AXDND1: variants seen among roughly 807,000 people sequenced by gnomAD.
AXDND1 encodes axonemal dynein light chain domain containing 1.
Under a neutral mutation model 137.5 loss-of-function variants are expected in AXDND1, and 110 were observed. The ratio of observed to expected loss-of-function variants is 0.80; its 90% CI spans 0.69 to 0.94. AXDND1 has a LOEUF of 0.94. AXDND1 is among the 40% of genes least tolerant of loss of function. The pLI is 0.00. For missense variants in AXDND1, 1,191 were observed against 1,169.8 expected (o/e 1.02, Z -0.26); for synonymous variants, 414 against 399.7 (o/e 1.04, Z -0.43).
chr1:179,409,674 G>A (rs955800207), intron 11 of AXDND1, among the ~76,000 whole-genome samples: 1 of 152,110 alleles, frequency 6.6e-6, no homozygotes, highest in Admixed American at 6.6e-5. Flanking sequence ...TTGAGGTCAG[G>A]AGTTTGAGAC....
chr1:179,438,199 A>C (rs905299396), intron 15 of AXDND1, among the ~76,000 whole-genome samples: 2 of 150,848 alleles, frequency 1.3e-5, no homozygotes, highest in African/African-American at 2.5e-5. Context: ...AATAAAACAA[A>C]GGTGATGTTG....
intron 16 of AXDND1, chr1:179,457,318 ACT>A (rs1661557932): frequency 4.9e-6 from 3 of 606,622 alleles, no homozygotes; most frequent in Non-Finnish European, 8.8e-6. Context: ...TCTTTAGGAG[ACT>A]CTGAGTTAGA....
At chr1:179,473,267 G>C (rs1006761043) in intron 17 of AXDND1, among the ~76,000 whole-genome samples, 6 of 151,908 alleles carry the variant, frequency 3.9e-5, no homozygotes, top group Admixed American at 3.9e-4. Context: ...AGGCCAAGAT[G>C]GGGGTGGATC....
At chr1:179,377,319 A>G (rs1433492874) in intron 4 of AXDND1, among the ~76,000 whole-genome samples, 2 of 152,166 alleles carry the variant, frequency 1.3e-5, no homozygotes, top group Non-Finnish European at 2.9e-5. Context: ...TTTTTTCACT[A>G]TTAGTGTTCT....
intron 16 of AXDND1, among the ~76,000 whole-genome samples, chr1:179,465,804 C>G (rs1346296150): frequency 6.6e-6 from 1 of 152,216 alleles, no homozygotes; most frequent in Non-Finnish European, 1.5e-5. Flanking sequence ...TGTTTACCTA[C>G]TCAAGCCTTA....
intron 23 of AXDND1, among the ~76,000 whole-genome samples, 200 bp downstream of exon 23, chr1:179,528,631 CT>C (rs1670764593): frequency 7.2e-6 from 1 of 138,324 alleles, no homozygotes; most frequent in Non-Finnish European, 1.5e-5. Flanking sequence ...TCATTCTCAT[CT>C]TTAAACCTCT....
intron 9 of AXDND1, among the ~76,000 whole-genome samples, chr1:179,390,306 G>C (rs1649948107): frequency 6.6e-6 from 1 of 152,066 alleles, no homozygotes; most frequent in Non-Finnish European, 1.5e-5. Context: ...GAGCCATCAC[G>C]CCTGGCCTAG....
intron 16 of AXDND1, chr1:179,453,510 T>A (rs1270413049): frequency 6.6e-6 from 1 of 152,356 alleles, no homozygotes; most frequent in East Asian, 1.9e-4. Flanking sequence ...CCTTTAAGAT[T>A]TGACTGCTGT....
At chr1:179,376,232 A>G (rs2125065675) in intron 4 of AXDND1, among the ~76,000 whole-genome samples, 1 of 152,264 alleles carries the variant, frequency 6.6e-6, no homozygotes, top group Non-Finnish European at 1.5e-5. Flanking sequence ...ATATTCAGTC[A>G]TCCCTCATAC....
Position 179,468,560 on chromosome 1 carries a change from T to A in AXDND1, c.1916T>A (p.Ile639Asn), listed in dbSNP as rs1571968846. 2 of 1,612,852 alleles carry A rather than the reference T, an allele frequency of 1.2e-6. No homozygotes were observed. Among genetic ancestry groups the A allele is most frequent in the Non-Finnish European group, 1.7e-6 (2 of 1,179,430 alleles). Residue 639 changes from isoleucine to asparagine, a missense_variant, in exon 17 of 26, where the codon ATT becomes AAT. Transcript: ENST00000367618. ...GAATGGCAGGAAATAGATGAAAAAA[T>A]TAATGAAATGAAATCACACTTGGAT... Reference protein sequence around the residue: ...LEEWQEIDEKINEMKSHLDIL... With the variant: ...LEEWQEIDEKNNEMKSHLDIL...
intron 21 of AXDND1, among the ~76,000 whole-genome samples, chr1:179,521,306 C>G (rs1168414322): frequency 1.3e-5 from 2 of 152,140 alleles, no homozygotes; most frequent in Admixed American, 6.6e-5. Context: ...GTATTTCTCT[C>G]TCCTCCTCCT....
chr1:179,488,596 TTC>T (rs1163398473), intron 18 of AXDND1, among the ~76,000 whole-genome samples: 1 of 122,070 alleles, frequency 8.2e-6, no homozygotes, highest in South Asian at 2.8e-4. Flanking sequence ...CTCTCTTTCT[TTC>T]TTTCTTTTTC....
chr1:179,453,869 C>CT (rs1660897769), intron 16 of AXDND1: 1 of 151,244 alleles, frequency 6.6e-6, no homozygotes, highest in Admixed American at 6.6e-5. Flanking sequence ...CTTGTAGGCC[C>CT]TTTGTTTTGG....
intron 4 of AXDND1, among the ~76,000 whole-genome samples, chr1:179,377,814 A>G (rs1486724657): frequency 6.6e-6 from 1 of 152,130 alleles, no homozygotes; most frequent in African/African-American, 2.4e-5. Flanking sequence ...CAATTTTAGG[A>G]AGTTTGATGT....
chr1:179,544,257 A>G (rs549364848), intron 25 of AXDND1: 2 of 152,346 alleles, frequency 1.3e-5, no homozygotes, highest in South Asian at 2.1e-4. Context: ...TAGCCTCTTC[A>G]ATTGATTTCC....
chr1:179,367,448 G>A (rs1164094526), intron 2 of AXDND1, among the ~76,000 whole-genome samples: 1 of 152,098 alleles, frequency 6.6e-6, no homozygotes, highest in African/African-American at 2.4e-5. Flanking sequence ...CCGGGAGGTG[G>A]AGGTTGCAGT....
At chr1:179,375,033 G>A (rs1015056208) in intron 4 of AXDND1, among the ~76,000 whole-genome samples, 6 of 151,160 alleles carry the variant, frequency 4.0e-5, no homozygotes, top group Non-Finnish European at 8.9e-5. Context: ...AATACAAAAG[G>A]CTGCTAAAGT....
At chr1:179,534,102 G>C (rs562931931) in intron 24 of AXDND1, among the ~76,000 whole-genome samples, 17 of 152,314 alleles carry the variant, frequency 1.1e-4, no homozygotes, top group African/African-American at 4.1e-4. Flanking sequence ...CAAACTATTT[G>C]TGTGTGTTGG....
intron 4 of AXDND1, 24 bp downstream of exon 4, chr1:179,370,102 A>C (rs1667892160): frequency 6.5e-7 from 1 of 1,549,974 alleles, no homozygotes; most frequent in African/African-American, 1.4e-5. Flanking sequence ...ATAGTAGGAT[A>C]GATGCTGATA....
Sources: allele counts gnomAD v4.1 joint callset (sites outside exome capture counted in the v4.1 genomes callset), GRCh38; gene constraint gnomAD v4.1.1; transcripts MANE v1.5; gene names NCBI Gene and HGNC (gene_info 2026-07-23, HGNC 2026-07-21).